Variants in VPS28 observed in about 807,000 individuals in gnomAD.
VPS28 encodes the protein VPS28 subunit of ESCRT-I, also known as vacuolar protein sorting-associated protein 28 homolog.
A neutral mutation model predicts 33.7 loss-of-function variants in VPS28; 29 were observed. The ratio of observed to expected loss-of-function variants is 0.86; its 90% CI spans 0.64 to 1.17. The LOEUF is 1.17. Among genes scored for constraint, VPS28 ranks in the 50% most tolerant of loss-of-function variants. The pLI, the probability that VPS28 is intolerant of heterozygous loss-of-function variation, is 0.00. For synonymous variants in VPS28, 164 were observed against 116.7 expected (o/e 1.40, Z -2.61); for missense variants, 247 against 312.2 (o/e 0.79, Z 1.57).
At chr8:144,426,583 C>T in intron 2 of VPS28, 1 of 451,682 alleles carries the variant, frequency 2.2e-6, no homozygotes, top group South Asian at 2.7e-5. Flanking sequence ...AGTGGCCACG[C>T]CCTGCTCGTG....
rs782597474 is a variant in VPS28, at chr8:144,424,994, G to C, written c.252C>G (p.Val84=). The part of the protein sequence containing the change: ...LVQYKAAFRQ[V]QGSEISSIDE... The stretch of plus-strand genomic sequence containing the variant: ...CAATAGAGCTGATTTCTGAGCCCTG[G>C]ACCTGCCTGAAGGCAGCTTTGTATT... Residue 84 remains valine (V), a synonymous_variant, in exon 6 of 10, where the codon GTC becomes GTG. Transcript: ENST00000292510. The C allele has an allele frequency of 6.4e-7, 1 of 1,557,590 alleles. No homozygotes were observed. Among genetic ancestry groups the C allele is most frequent in the Non-Finnish European group, 8.7e-7 (1 of 1,149,942 alleles).
chr8:144,426,148 C>A, intron 3 of VPS28, 32 bp downstream of exon 3: 1 of 1,597,042 alleles, frequency 6.3e-7, no homozygotes, highest in Non-Finnish European at 8.5e-7. Context: ...TGCTGTTGGC[C>A]AATGCCGGCC....
Position 144,423,664 on chromosome 8 carries a change from G to C in VPS28, c.*141C>G. On this transcript the variant is annotated 3_prime_UTR_variant, in exon 10 of 10. Coordinates refer to ENST00000292510, the MANE Select transcript of VPS28 (RefSeq NM_016208.4). ...TGTGGGGAGGGGCCCGGCCCCCAAA[G>C]TTCTGACACCAAAGACAGACACCAG... The C allele has an allele frequency of 3.5e-6, 4 of 1,152,172 alleles. No homozygotes were observed. The highest frequency in any genetic ancestry group is 5.0e-6 in the Non-Finnish European group (4 of 806,228). 71.4% of individuals were successfully genotyped at this position (1,152,172 alleles called of 1,614,324 possible).
At position 144,427,150 on chromosome 8, in the gene VPS28, T is replaced by C. The variant is rs918866900; in HGVS notation, c.-34-171A>G. ...CCCTGTCTCTACTAAAATTACAAAA[T>C]TAGCCGGACGTTGTGGCATACGGTT... is the stretch of plus-strand genomic sequence containing the variant. On this transcript the variant is annotated intron_variant, in intron 1 of 9. Coordinates refer to ENST00000292510, the MANE Select transcript of VPS28 (RefSeq NM_016208.4). 51 of 454,354 alleles carry C rather than the reference T, an allele frequency of 1.1e-4. 2 individuals are homozygous for C. In the Middle Eastern group the frequency reaches 2.9e-3, roughly 26 times the overall value. The allele number at this position is 454,354 out of a possible 1,614,324, so 28.1% of individuals were successfully genotyped here.
intron 2 of VPS28, chr8:144,426,623 C>G (rs1163019314): frequency 4.1e-6 from 2 of 485,264 alleles, no homozygotes; most frequent in East Asian, 3.8e-5. Flanking sequence ...CAAGGCTCAC[C>G]ACACACAGCC....
At chr8:144,427,360 C>G (rs1389965470) in intron 1 of VPS28, 1 of 174,182 alleles carries the variant, frequency 5.7e-6, no homozygotes, top group African/African-American at 2.4e-5. Context: ...AGTGCCAGGT[C>G]CTGGAGACCC....
intron 1 of VPS28, 73 bp downstream of exon 1, chr8:144,428,416 C>T (rs1554877423): frequency 2.0e-5 from 3 of 152,256 alleles, no homozygotes; most frequent in South Asian, 2.1e-4. Context: ...TAGGCGCGCC[C>T]AGAGGGTGCC....
chr8:144,425,166 A>G lies in VPS28; in HGVS notation c.195-115T>C, dbSNP rs1822647754. The G allele has an allele frequency of 1.5e-5, 13 of 890,924 alleles. 1 individual carries two copies. The South Asian group carries it at 2.0e-4, about 14-fold the overall frequency. 55.2% of individuals were successfully genotyped at this position (890,924 alleles called of 1,614,324 possible). ...CCAGAGAGGACCAGGCGACAGGCAA[A>G]GGCAGGCCGAGCAAGGAGGAGGGGC... On this transcript the variant is annotated intron_variant, in intron 5 of 9. Transcript: ENST00000292510.
intron 1 of VPS28, among the ~76,000 whole-genome samples, chr8:144,427,546 G>C (rs1245253841): frequency 6.6e-6 from 1 of 152,188 alleles, no homozygotes; most frequent in East Asian, 1.9e-4. Flanking sequence ...GCAGCTGTTT[G>C]ATGGCCCACG....
chr8:144,423,679 A>G lies in VPS28; in HGVS notation c.*126T>C, dbSNP rs1822518427. On this transcript the variant is annotated 3_prime_UTR_variant, in exon 10 of 10. Transcript: ENST00000292510. ...GGCCCCCAAAGTTCTGACACCAAAG[A>G]CAGACACCAGACAGGCAGCTGCAGA... is the stretch of plus-strand genomic sequence containing the variant. 7.9e-7 allele frequency: 1 copy of G among 1,272,270 alleles called. No homozygotes were observed. The allele number at this position is 1,272,270 out of a possible 1,614,324, so 78.8% of individuals were successfully genotyped here.
intron 1 of VPS28, 73 bp from the exon 2 acceptor site, chr8:144,427,052 C>A (rs1322434589): frequency 1.9e-5 from 24 of 1,247,024 alleles, no homozygotes; most frequent in Non-Finnish European, 2.7e-5. Context: ...GTAATCCCAG[C>A]ACTTTGGGAG....
Position 144,426,023 on chromosome 8 carries a change from T to C in VPS28, c.104+3A>G. ...TTGGGACAGCCTGGGCGCCTGGACTTACTTCTCCCTCTCCCGGGCGTTCTT... is the reference window on the plus strand; with the variant it reads ...TTGGGACAGCCTGGGCGCCTGGACTCACTTCTCCCTCTCCCGGGCGTTCTT... On this transcript the variant is annotated splice_donor_region_variant and intron_variant, in intron 4 of 9. Transcript: ENST00000292510. 1 of 1,518,688 alleles carries C rather than the reference T, an allele frequency of 6.6e-7. No homozygotes were observed. Among genetic ancestry groups the C allele is most frequent in the Non-Finnish European group, 8.9e-7 (1 of 1,125,364 alleles). 94.1% of individuals were successfully genotyped at this position (1,518,688 alleles called of 1,614,324 possible). A position where few individuals can be genotyped will look rare whatever the true frequency, so the allele number is the denominator to read the frequency against.
Position 144,424,698 on chromosome 8 carries a change from C to A in VPS28, c.402+20G>T, listed in dbSNP as rs782312505. The A allele has an allele frequency of 4.4e-6, 7 of 1,607,672 alleles. No individual in the cohort carries two copies. In the Admixed American group the frequency reaches 1.2e-4, roughly 27 times the overall value. On this transcript the variant is annotated intron_variant, in intron 7 of 9. Transcript: ENST00000292510. ...CAGCCTCGGCTCTCCTAACCACGTG[C>A]CCTGGGGGCTGGGGCGCACCGAGAC...
At chr8:144,425,572 G>T in intron 5 of VPS28, 111 bp downstream of exon 5, 1 of 1,155,314 alleles carries the variant, frequency 8.7e-7, no homozygotes, top group Non-Finnish European at 1.2e-6. Context: ...ACGCTGGGTG[G>T]GCCCCACACA....
intron 2 of VPS28, chr8:144,426,430 A>T (rs1428526480): frequency 1.8e-6 from 1 of 542,322 alleles, no homozygotes; most frequent in Non-Finnish European, 3.1e-6. Context: ...TGACAGGCCC[A>T]GCTCCCCAGC....
intron 7 of VPS28, 121 bp from the exon 8 acceptor site, chr8:144,424,389 C>A: frequency 7.5e-7 from 1 of 1,336,448 alleles, no homozygotes; most frequent in Non-Finnish European, 1.0e-6. Context: ...GTACTCTGTT[C>A]CCAAACCCTG....
intron 9 of VPS28, 24 bp from the exon 10 acceptor site, chr8:144,423,946 TG>T (rs1156945863): frequency 6.2e-7 from 1 of 1,612,924 alleles, no homozygotes; most frequent in Non-Finnish European, 8.5e-7. Flanking sequence ...ACAGGGCATG[TG>T]GGGGCTGAGG....
intron 5 of VPS28, 127 bp downstream of exon 5, chr8:144,425,556 C>T: frequency 2.0e-6 from 2 of 984,438 alleles, no homozygotes; most frequent in Non-Finnish European, 3.0e-6. Context: ...CAGGGGCACC[C>T]TCCTCACGCT....
At position 144,424,124 on chromosome 8, in the gene VPS28, G is replaced by A. The variant is rs782016460; in HGVS notation, c.465C>T (p.Pro155=). The change falls in exon 9 of 10, where the codon CCC becomes CCT. Residue 155 remains proline, a synonymous_variant. Coordinates refer to ENST00000292510, the MANE Select transcript of VPS28 (RefSeq NM_016208.4). ...LEIRAMDEIQ[P]DLRELMETMH... Reference sequence around the variant, plus strand: ...TGGTCTCCATCAGCTCTCGCAGGTCGGGCTGGATCTGAGACACACACAGCG... The same window carrying A: ...TGGTCTCCATCAGCTCTCGCAGGTCAGGCTGGATCTGAGACACACACAGCG... The A allele has an allele frequency of 7.1e-6, 11 of 1,548,786 alleles. No individual in the cohort carries two copies. The highest frequency in any genetic ancestry group is 1.9e-5 in the Admixed American group (1 of 53,562).
Sources: gnomAD v4.1 joint callset for allele counts (sites outside exome capture counted in the v4.1 genomes callset) on GRCh38, gnomAD v4.1.1 for gene constraint, MANE v1.5 for transcripts, NCBI Gene and HGNC (gene_info 2026-07-23, HGNC 2026-07-21) for gene names.